DNAH7: variants seen among roughly 807,000 people sequenced by gnomAD.
DNAH7 encodes the protein dynein axonemal heavy chain 7.
A neutral mutation model predicts 444.6 loss-of-function variants in DNAH7; 397 were observed. The ratio of observed to expected loss-of-function variants is 0.89; its 90% CI spans 0.82 to 0.97. The LOEUF (loss-of-function observed/expected upper bound fraction) is 0.97. DNAH7 is among the 50% of genes least tolerant of loss of function. The pLI is 0.00. For missense variants in DNAH7, 4,902 were observed against 4,800.8 expected (o/e 1.02, Z -0.62); for synonymous variants, 1,636 against 1,624.4 (o/e 1.01, Z -0.17).
At chr2:195,787,693 G>A (rs1158553206) in intron 57 of DNAH7, among the ~76,000 whole-genome samples, 1 of 152,184 alleles carries the variant, frequency 6.6e-6, no homozygotes, top group Non-Finnish European at 1.5e-5. Context: ...AGGGAGGGTT[G>A]TGTGGGGTCT....
At chr2:195,830,516 A>G (rs949065728) in intron 48 of DNAH7, among the ~76,000 whole-genome samples, 1 of 152,230 alleles carries the variant, frequency 6.6e-6, no homozygotes, top group Non-Finnish European at 1.5e-5. Flanking sequence ...ACAGTTACTC[A>G]GCACCTATCA....
intron 40 of DNAH7, among the ~76,000 whole-genome samples, chr2:195,867,747 G>T (rs1017424354): frequency 6.6e-6 from 1 of 152,180 alleles, no homozygotes; most frequent in African/African-American, 2.4e-5. Context: ...CATCTATGTT[G>T]TAGGATATAT....
At chr2:196,056,419 GAAAAAAAAA>G (rs57708138) in intron 2 of DNAH7, among the ~76,000 whole-genome samples, 1 of 115,350 alleles carries the variant, frequency 8.7e-6, no homozygotes, top group African/African-American at 3.2e-5. Flanking sequence ...CACTCTGTCT[GAAAAAAAAA>G]AAAAAAAGAA....
chr2:195,941,835 A>C (rs1299990770), intron 19 of DNAH7, among the ~76,000 whole-genome samples: 1 of 152,166 alleles, frequency 6.6e-6, no homozygotes, highest in Non-Finnish European at 1.5e-5. Context: ...TTTAGATTCA[A>C]TGTATTTCTA....
intron 63 of DNAH7, among the ~76,000 whole-genome samples, chr2:195,752,242 G>A (rs901315230): frequency 9.4e-5 from 14 of 148,810 alleles, no homozygotes; most frequent in African/African-American, 3.5e-4. Context: ...CTACACTGTA[G>A]GTGGGGTCAC....
chr2:196,048,035 A>C (rs2125852944), intron 4 of DNAH7, among the ~76,000 whole-genome samples: 1 of 152,302 alleles, frequency 6.6e-6, no homozygotes, highest in South Asian at 2.1e-4. Context: ...GTAGAGGCAA[A>C]TTCTGACCAC....
chr2:195,862,027 T>C (rs966826747), intron 41 of DNAH7, 81 bp from the exon 42 acceptor site: 22 of 1,077,058 alleles, frequency 2.0e-5, no homozygotes, highest in African/African-American at 1.7e-4. Context: ...TTACAACTTA[T>C]GGATGTTGGG....
chr2:195,952,528 G>T (rs142425489), intron 19 of DNAH7, among the ~76,000 whole-genome samples: 1 of 152,074 alleles, frequency 6.6e-6, no homozygotes, highest in Non-Finnish European at 1.5e-5. Flanking sequence ...GTGTTTTCCA[G>T]CTTGGTTCCA....
At chr2:195,777,271 T>C (rs1695107611) in intron 59 of DNAH7, among the ~76,000 whole-genome samples, 1 of 152,206 alleles carries the variant, frequency 6.6e-6, no homozygotes, top group Non-Finnish European at 1.5e-5. Flanking sequence ...ATCTTGGTCT[T>C]GTGCTGCAGG....
intron 46 of DNAH7, among the ~76,000 whole-genome samples, chr2:195,847,591 G>A (rs1256713141): frequency 1.3e-5 from 2 of 150,016 alleles, no homozygotes; most frequent in African/African-American, 2.5e-5. Context: ...GAACCCTGTT[G>A]ACACACAATT....
chr2:195,739,999 T>C (rs1372354961), intron 64 of DNAH7, among the ~76,000 whole-genome samples: 2 of 152,168 alleles, frequency 1.3e-5, no homozygotes, highest in Non-Finnish European at 2.9e-5. Context: ...TGTTTTGTTT[T>C]GGAGATGGAG....
chr2:195,953,489 A>G (rs919990073), intron 19 of DNAH7, among the ~76,000 whole-genome samples: 2 of 152,236 alleles, frequency 1.3e-5, no homozygotes, highest in Non-Finnish European at 2.9e-5. Flanking sequence ...TGCTCTCTTC[A>G]GAGCCAGCAG....
Position 196,000,708 on chromosome 2 carries a change from T to C in DNAH7, c.1349A>G (p.Lys450Arg), listed in dbSNP as rs1160384897. 2.6e-6 allele frequency: 4 copies of C among 1,556,658 alleles called. No homozygotes were observed. Residue 450 changes from lysine to arginine, a missense_variant, in exon 12 of 65, where the codon AAG becomes AGG. Lys to Arg is a conservative substitution (Grantham distance 26). Coordinates refer to ENST00000312428, the MANE Select transcript of DNAH7 (RefSeq NM_018897.3). Reference sequence around the variant, plus strand: ...CTTAATATCCTTGTTACTTACCCACTTGGAATACAATTTTGTCTCAACTCT... The same window carrying C: ...CTTAATATCCTTGTTACTTACCCACCTGGAATACAATTTTGTCTCAACTCT... ...VPRVETKLYS[K>R]WESKSKPTTL...
At chr2:195,922,374 A>C (rs1385545324) in intron 23 of DNAH7, among the ~76,000 whole-genome samples, 177 bp from the exon 24 acceptor site, 1 of 152,204 alleles carries the variant, frequency 6.6e-6, no homozygotes, top group Non-Finnish European at 1.5e-5. Context: ...AATTGAAGTC[A>C]CTGGCTTTAA....
intron 3 of DNAH7, among the ~76,000 whole-genome samples, chr2:196,049,919 T>C (rs906291534): frequency 2.6e-5 from 4 of 152,274 alleles, no homozygotes; most frequent in African/African-American, 9.6e-5. Flanking sequence ...CACTAGAAAA[T>C]TAAGAGGGAT....
chr2:195,761,988 G>C (rs560253721), intron 61 of DNAH7, among the ~76,000 whole-genome samples: 1 of 152,128 alleles, frequency 6.6e-6, no homozygotes, highest in African/African-American at 2.4e-5. Flanking sequence ...TGAGGAGAAA[G>C]ACTAAAAGAT....
chr2:195,891,907 G>T, intron 30 of DNAH7, 103 bp from the exon 31 acceptor site: 1 of 921,990 alleles, frequency 1.1e-6, no homozygotes, highest in Non-Finnish European at 1.5e-6. Flanking sequence ...TACAAAGAAA[G>T]TATTAGAAGT....
intron 12 of DNAH7, chr2:195,995,148 T>C (rs1250818989): frequency 1.0e-5 from 3 of 299,768 alleles, no homozygotes; most frequent in African/African-American, 2.2e-5. Flanking sequence ...CAGGATGGTC[T>C]TGATCTCTTG....
At chr2:195,987,916 C>A (rs780550241) in intron 13 of DNAH7, 41 bp downstream of exon 13, 10 of 1,521,966 alleles carry the variant, frequency 6.6e-6, no homozygotes, top group African/African-American at 2.8e-5. Flanking sequence ...GGAAAAGATA[C>A]CAGATAGAGA....
Sources: gnomAD v4.1 joint callset for allele counts (sites outside exome capture counted in the v4.1 genomes callset) on GRCh38, gnomAD v4.1.1 for gene constraint, MANE v1.5 for transcripts, NCBI Gene and HGNC (gene_info 2026-07-23, HGNC 2026-07-21) for gene names.